The following ZUP1 variants were observed in gnomAD, a reference collection of about 807,000 sequenced individuals.
ZUP1 encodes zinc finger containing ubiquitin peptidase 1, also known as zinc finger-containing ubiquitin peptidase 1.
A neutral mutation model predicts 68.1 loss-of-function variants in ZUP1; 55 were observed. That is an observed-to-expected ratio of 0.81 (90% CI 0.65 to 1.01). ZUP1 has a LOEUF of 1.01. Among genes scored for constraint, ZUP1 ranks in the 50% least tolerant of loss-of-function variants. The probability of loss-of-function intolerance (pLI) is 0.00; values close to 1 mark genes in which losing one functional copy is unlikely to be tolerated. For synonymous variants in ZUP1, 223 were observed against 221.5 expected (o/e 1.01, Z -0.06); for missense variants, 684 against 674.9 (o/e 1.01, Z -0.15).
chr6:116,645,506 G>A (rs1363050556), intron 9 of ZUP1, among the ~76,000 whole-genome samples: 1 of 151,056 alleles, frequency 6.6e-6, no homozygotes, highest in Non-Finnish European at 1.5e-5. Flanking sequence ...GCTTGAGCCT[G>A]GGAGGTCAAG....
chr6:116,642,168 A>G (rs919856725), intron 9 of ZUP1, among the ~76,000 whole-genome samples: 1 of 152,124 alleles, frequency 6.6e-6, no homozygotes, highest in Non-Finnish European at 1.5e-5. Flanking sequence ...GACCAATAAC[A>G]GGATCTGAAA....
rs1172044804 is a variant in ZUP1, at chr6:116,656,803, C to T, written c.842G>A (p.Arg281Gln). The T allele has an allele frequency of 1.4e-5, 22 of 1,609,560 alleles. No homozygotes were observed. In the East Asian group the frequency reaches 3.6e-4, roughly 26 times the overall value. Residue 281 changes from arginine to glutamine, a missense_variant, in exon 5 of 10, where the codon CGA becomes CAA. Physicochemically the swap from Arg to Gln is conservative, Grantham distance 43 (BLOSUM62 1). Coordinates refer to ENST00000368576, the MANE Select transcript of ZUP1 (RefSeq NM_145062.3). Reference sequence around the variant, plus strand: ...CCTATTTACTTCTATCTCCATATTTCGTAGTTGTTGTTGTTTGTATCCTCC... The same window carrying T: ...CCTATTTACTTCTATCTCCATATTTTGTAGTTGTTGTTGTTTGTATCCTCC... ...NSGGYKQQQL[R>Q]NMEIEVNRGR...
intron 2 of ZUP1, among the ~76,000 whole-genome samples, chr6:116,661,323 A>G (rs7769566): frequency 0.016 from 2,501 of 151,934 alleles, 75 homozygotes; most frequent in African/African-American, 0.057. Context: ...AAGGCTGAGC[A>G]TAGCACAAAC....
chr6:116,648,251 C>A (rs1278313196), intron 7 of ZUP1, among the ~76,000 whole-genome samples: 1 of 152,174 alleles, frequency 6.6e-6, no homozygotes, highest in Non-Finnish European at 1.5e-5. Flanking sequence ...TAACCAGAAA[C>A]ACTGTTTATA....
chr6:116,641,186 A>T (rs1011234394), intron 9 of ZUP1, among the ~76,000 whole-genome samples: 2 of 149,504 alleles, frequency 1.3e-5, no homozygotes, highest in African/African-American at 4.9e-5. Context: ...CAGATTCATA[A>T]AGCAAGTCCT....
intron 9 of ZUP1, among the ~76,000 whole-genome samples, chr6:116,644,826 A>T (rs1776237688): frequency 6.6e-6 from 1 of 151,792 alleles, no homozygotes; most frequent in Admixed American, 6.6e-5. Context: ...GTACCCTAAA[A>T]CTTAAAGTAT....
At chr6:116,655,664 T>C (rs775596266) in intron 5 of ZUP1, among the ~76,000 whole-genome samples, 2 of 152,140 alleles carry the variant, frequency 1.3e-5, no homozygotes, top group Non-Finnish European at 2.9e-5. Flanking sequence ...AAAAAAGCCA[T>C]ATTATGGGGC....
chr6:116,640,087 A>G (rs779275679), intron 9 of ZUP1, among the ~76,000 whole-genome samples: 171 of 152,366 alleles, frequency 1.1e-3, no homozygotes, highest in Non-Finnish European at 1.7e-3. Flanking sequence ...AAAGGGTATC[A>G]GCGATGGAAG....
At chr6:116,639,713 G>T (rs1018919965) in intron 9 of ZUP1, among the ~76,000 whole-genome samples, 6 of 152,136 alleles carry the variant, frequency 3.9e-5, no homozygotes, top group Non-Finnish European at 5.9e-5. Flanking sequence ...AAGACCAACA[G>T]GAGATAAAAC....
intron 9 of ZUP1, among the ~76,000 whole-genome samples, chr6:116,637,076 A>G (rs1775930103): frequency 6.6e-6 from 1 of 152,166 alleles, no homozygotes; most frequent in Admixed American, 6.5e-5. Flanking sequence ...TTCATTTTTC[A>G]AAATGTAATA....
At chr6:116,656,937 A>G (rs974212920) in intron 4 of ZUP1, 85 bp from the exon 5 acceptor site, 1 of 906,880 alleles carries the variant, frequency 1.1e-6, no homozygotes, top group East Asian at 2.9e-5. Flanking sequence ...TTATTTGGAA[A>G]CATGTTGAAA....
intron 2 of ZUP1, among the ~76,000 whole-genome samples, chr6:116,664,822 G>C (rs1203191142): frequency 6.7e-6 from 1 of 149,414 alleles, no homozygotes; most frequent in African/African-American, 2.5e-5. Flanking sequence ...TTCTGTACAG[G>C]GAAAAACTAA....
chr6:116,664,126 T>G (rs1776923904), intron 2 of ZUP1, among the ~76,000 whole-genome samples: 2 of 151,924 alleles, frequency 1.3e-5, no homozygotes, highest in Non-Finnish European at 2.9e-5. Flanking sequence ...CTAACACAAA[T>G]GTGCAATGAA....
At chr6:116,668,028 T>A (rs1885102) in intron 1 of ZUP1, among the ~76,000 whole-genome samples, 8,027 of 152,094 alleles carry the variant, frequency 0.053, 607 homozygotes, top group African/African-American at 0.17. Context: ...AAAATAATTT[T>A]AAAAAAAGCA....
intron 7 of ZUP1, among the ~76,000 whole-genome samples, chr6:116,650,313 T>C (rs921927330): frequency 6.9e-5 from 10 of 145,454 alleles, no homozygotes; most frequent in African/African-American, 2.1e-4. Flanking sequence ...TCCCAGCTAC[T>C]AGGGAGGCTG....
rs754061963 is a variant in ZUP1 at position 116,660,716 on chromosome 6, C to T, written c.670+20G>A. ...AGTAGAAATTAAATGATATTTTTATCTTCAAACATATAAACATACCTTGCT... is the reference window on the plus strand; with the variant it reads ...AGTAGAAATTAAATGATATTTTTATTTTCAAACATATAAACATACCTTGCT... On this transcript the variant is annotated intron_variant, in intron 3 of 9. Transcript: ENST00000368576. The T allele has an allele frequency of 2.9e-6, 4 of 1,380,892 alleles. No individual in the cohort carries two copies. Among genetic ancestry groups the T allele is most frequent in the Non-Finnish European group, 4.1e-6 (4 of 986,850 alleles). 85.5% of individuals were successfully genotyped at this position (1,380,892 alleles called of 1,614,324 possible).
At chr6:116,651,765 A>C in intron 6 of ZUP1, 28 bp from the exon 7 acceptor site, 1 of 1,610,226 alleles carries the variant, frequency 6.2e-7, no homozygotes, top group Non-Finnish European at 8.5e-7. Flanking sequence ...AACATGTTAC[A>C]TGACTGTTAA....
intron 2 of ZUP1, among the ~76,000 whole-genome samples, chr6:116,662,090 C>T (rs1776859719): frequency 6.6e-6 from 1 of 152,090 alleles, no homozygotes; most frequent in South Asian, 2.1e-4. Context: ...ATAAAAAATT[C>T]AATGGCAAAG....
intron 7 of ZUP1, among the ~76,000 whole-genome samples, chr6:116,648,632 CT>C (rs1776386720): frequency 6.6e-6 from 1 of 152,010 alleles, no homozygotes; most frequent in South Asian, 2.1e-4. Flanking sequence ...AATAAAAAAG[CT>C]TTCTAAATTA....
Sources: allele counts gnomAD v4.1 joint callset (sites outside exome capture counted in the v4.1 genomes callset), GRCh38; gene constraint gnomAD v4.1.1; transcripts MANE v1.5; gene names NCBI Gene and HGNC (gene_info 2026-07-23, HGNC 2026-07-21).